The following ATM variants were observed in gnomAD, a reference collection of about 807,000 sequenced individuals.
ATM encodes serine-protein kinase ATM.
Under a neutral mutation model 387.0 loss-of-function variants are expected in ATM, and 308 were observed. That is an observed-to-expected ratio of 0.80 (90% CI 0.73 to 0.87). The LOEUF is 0.87. Ranked by LOEUF, ATM falls within the 40% of genes least tolerant of loss-of-function variation. The pLI, the probability that ATM is intolerant of heterozygous loss-of-function variation, is 0.00. For missense variants in ATM, 3,312 were observed against 3,560.9 expected (o/e 0.93, Z 1.78); for synonymous variants, 1,156 against 1,187.3 (o/e 0.97, Z 0.54).
In ATM at chr11:108,239,886, C is replaced by T. The variant is rs928897660; in HGVS notation, c.496+4052C>T. 3.3e-5 allele frequency among the ~76,000 whole-genome samples: 5 copies of T among 152,176 alleles called. No homozygotes were observed. In the East Asian group the frequency reaches 5.8e-4, roughly 18 times the overall value. On this transcript the variant is annotated intron_variant, in intron 5 of 62. Transcript: ENST00000675843. ...TCCTACCTGTCTAACTTAACTAAAG[C>T]GCTTCTAATTTCTGTGCTCAAGCTA...
intron 43 of ATM, among the ~76,000 whole-genome samples, 154 bp downstream of exon 43, chr11:108,317,675 T>C (rs1241585666): frequency 7.8e-6 from 1 of 127,614 alleles, no homozygotes; most frequent in Admixed American, 7.9e-5. Context: ...ACACACACAC[T>C]ATATATATAT....
intron 7 of ATM, among the ~76,000 whole-genome samples, chr11:108,246,410 A>T (rs1257779513): frequency 6.6e-6 from 1 of 152,324 alleles, no homozygotes; most frequent in East Asian, 1.9e-4. Flanking sequence ...GACTACTTTA[A>T]TAGATTTTGT....
intron 56 of ATM, among the ~76,000 whole-genome samples, chr11:108,342,683 TTATAA>T (rs1416990534): frequency 2.0e-5 from 3 of 152,212 alleles, no homozygotes; most frequent in Non-Finnish European, 4.4e-5. Flanking sequence ...TTATGTATGT[TTATAA>T]TATAATTTTA....
At chr11:108,326,899 C>T (rs1358950426) in intron 47 of ATM, among the ~76,000 whole-genome samples, 1 of 152,180 alleles carries the variant, frequency 6.6e-6, no homozygotes, top group Non-Finnish European at 1.5e-5. Context: ...GACATCGGCT[C>T]ACCGCAACCT....
chr11:108,295,780 A>G (rs2083088267), intron 32 of ATM: 1 of 151,820 alleles, frequency 6.6e-6, no homozygotes, highest in Non-Finnish European at 1.5e-5. Flanking sequence ...CAGCCTTCCT[A>G]GTAGCTAGGA....
chr11:108,261,403 C>T (rs1401357271), intron 16 of ATM, among the ~76,000 whole-genome samples: 1 of 152,212 alleles, frequency 6.6e-6, no homozygotes, highest in African/African-American at 2.4e-5. Context: ...GGTACTCCAA[C>T]AGGCCTGCAG....
chr11:108,257,422 A>C, intron 14 of ATM, 59 bp from the exon 15 acceptor site: 2 of 1,588,400 alleles, frequency 1.3e-6, no homozygotes, highest in Non-Finnish European at 1.7e-6. Flanking sequence ...ACACTGTAAA[A>C]AGCAATACTA....
At chr11:108,333,478 T>C (rs2086500740) in intron 53 of ATM, among the ~76,000 whole-genome samples, 1 of 152,216 alleles carries the variant, frequency 6.6e-6, no homozygotes, top group South Asian at 2.1e-4. Context: ...TAAATTCTTA[T>C]TACTTGAAAA....
At chr11:108,307,699 A>C (rs1025906873) in intron 37 of ATM, among the ~76,000 whole-genome samples, 198 bp from the exon 38 acceptor site, 1 of 152,218 alleles carries the variant, frequency 6.6e-6, no homozygotes, top group Admixed American at 6.5e-5. Context: ...ATTACAATGT[A>C]AGTTCTCACT....
Position 108,293,940 on chromosome 11 carries a change from T to C in ATM, c.4776+463T>C, listed in dbSNP as rs2082981047. Among the ~76,000 whole-genome samples the C allele has an allele frequency of 2.1e-5, 3 of 145,182 alleles. No homozygotes were observed. In the Admixed American group the frequency reaches 2.1e-4, roughly 10 times the overall value. Reference sequence around the variant, plus strand: ...ATATATGTGTGTGTATATAAACACATACTTGTGTGTGTGTAACGTGAGATC... The same window carrying C: ...ATATATGTGTGTGTATATAAACACACACTTGTGTGTGTGTAACGTGAGATC... On this transcript the variant is annotated intron_variant, in intron 31 of 62. Coordinates refer to ENST00000675843, the MANE Select transcript of ATM (RefSeq NM_000051.4).
Position 108,315,830 on chromosome 11 carries a change from T to TC in ATM, c.6015dup (p.Glu2007ArgfsTer11), listed in dbSNP as rs1438576066. On this transcript the variant is annotated frameshift_variant, in exon 41 of 63. Coordinates refer to ENST00000675843, the MANE Select transcript of ATM (RefSeq NM_000051.4). LOFTEE classifies it high-confidence loss of function. ...TTGTTTCCATGTTTTCAGGATCTTC[T>TC]CTTAGAAATCTACAGAAGTATAGGG... 3 of 1,611,624 alleles carry TC rather than the reference T, an allele frequency of 1.9e-6. No homozygotes were observed. The highest frequency in any genetic ancestry group is 2.5e-6 in the Non-Finnish European group (3 of 1,177,822).
intron 49 of ATM, among the ~76,000 whole-genome samples, chr11:108,329,697 C>G (rs2086057780): frequency 6.6e-6 from 1 of 152,220 alleles, no homozygotes; most frequent in South Asian, 2.1e-4. Context: ...AGGTGTGAGG[C>G]ACTGTGCCCT....
intron 11 of ATM, 80 bp downstream of exon 11, chr11:108,252,111 CTTTAT>C: frequency 8.1e-7 from 1 of 1,241,170 alleles, no homozygotes; most frequent in Non-Finnish European, 1.1e-6. Flanking sequence ...TGCCAGATGG[CTTTAT>C]TTTATAATAA....
At position 108,295,015 on chromosome 11, in the gene ATM, A is replaced by G. The variant is rs1555101872; in HGVS notation, c.4865A>G (p.Glu1622Gly). 6.2e-7 allele frequency: 1 copy of G among 1,614,020 alleles called. No homozygotes were observed. Among genetic ancestry groups the G allele is most frequent in the Non-Finnish European group, 8.5e-7 (1 of 1,179,924 alleles). ...CTAAAGGATCTTCGAAGACAACTGG[A>G]ACTACATAAAGATCAGATGGTGGAC... Reference protein sequence around the residue: ...EGLKDLRRQLELHKDQMVDIM... With the variant: ...EGLKDLRRQLGLHKDQMVDIM... The change falls in exon 32 of 63, where the codon GAA becomes GGA. Residue 1622 changes from glutamate to glycine, a missense_variant. Transcript: ENST00000675843.
rs951512501 is a variant in ATM at position 108,366,335 on chromosome 11, G to A, written c.*827G>A. 1 of 211,268 alleles carries A rather than the reference G, an allele frequency of 4.7e-6. No homozygotes were observed. The highest frequency in any genetic ancestry group is 2.3e-5 in the African/African-American group (1 of 43,986). 13.1% of individuals were successfully genotyped at this position (211,268 alleles called of 1,614,324 possible). A position where few individuals can be genotyped will look rare whatever the true frequency, so the allele number is the denominator to read the frequency against. On this transcript the variant is annotated 3_prime_UTR_variant, in exon 63 of 63. Transcript: ENST00000675843. ...CATTGGGCTTCTTCTTTCAGAAATT[G>A]TTTTTCATTTCTAATTATGCATCAT... is the stretch of plus-strand genomic sequence containing the variant.
chr11:108,291,731 A>G (rs1373821172), intron 29 of ATM, among the ~76,000 whole-genome samples: 1 of 152,124 alleles, frequency 6.6e-6, no homozygotes, highest in Non-Finnish European at 1.5e-5. Context: ...ATGAGAGGAG[A>G]AAACTTTTCC....
At chr11:108,267,995 A>G (rs1257383425) in intron 17 of ATM, among the ~76,000 whole-genome samples, 1 of 152,238 alleles carries the variant, frequency 6.6e-6, no homozygotes, top group African/African-American at 2.4e-5. Flanking sequence ...GTCAACATCA[A>G]CATTCACATG....
chr11:108,357,329 G>A (rs2090104100), intron 61 of ATM, among the ~76,000 whole-genome samples: 1 of 152,234 alleles, frequency 6.6e-6, no homozygotes, highest in African/African-American at 2.4e-5. Flanking sequence ...TAGCACAGCA[G>A]TCTGAGATCA....
intron 56 of ATM, chr11:108,340,323 GATGTC>G (rs1190219604): frequency 3.3e-5 from 5 of 152,112 alleles, no homozygotes; most frequent in Non-Finnish European, 5.9e-5. Context: ...TTTAAAGCAA[GATGTC>G]ATATCATTTC....
Sources: gnomAD v4.1 joint callset for allele counts (sites outside exome capture counted in the v4.1 genomes callset) on GRCh38, gnomAD v4.1.1 for gene constraint, MANE v1.5 for transcripts, NCBI Gene and HGNC (gene_info 2026-07-23, HGNC 2026-07-21) for gene names.